PEX5L: variants seen among roughly 807,000 people sequenced by gnomAD.
PEX5L encodes peroxisomal biogenesis factor 5 like, also known as PEX5-related protein.
A neutral mutation model predicts 84.0 loss-of-function variants in PEX5L; 30 were observed. The ratio of observed to expected loss-of-function variants is 0.36; its 90% CI spans 0.27 to 0.48. The LOEUF (loss-of-function observed/expected upper bound fraction) is 0.48, where lower values mean the gene tolerates loss of function less well. PEX5L is among the 20% of genes least tolerant of loss of function. The pLI, the probability that PEX5L is intolerant of heterozygous loss-of-function variation, is 0.99. For missense variants in PEX5L, 533 were observed against 754.6 expected, an observed-to-expected ratio of 0.71 and a Z score of 3.44; for synonymous variants, 270 against 283.1, an observed-to-expected ratio of 0.95 and a Z score of 0.46.
At chr3:179,952,911 C>T (rs892560434) in intron 2 of PEX5L, among the ~76,000 whole-genome samples, 1 of 152,094 alleles carries the variant, frequency 6.6e-6, no homozygotes, top group African/African-American at 2.4e-5. Context: ...GATATATAGA[C>T]CAATGGAACA....
At chr3:179,943,107 G>T (rs139822850) in intron 2 of PEX5L, among the ~76,000 whole-genome samples, 19 of 152,170 alleles carry the variant, frequency 1.2e-4, no homozygotes, top group Non-Finnish European at 2.8e-4. Flanking sequence ...GAATATTATT[G>T]TTGTTATTAT....
rs1183502509 is a variant in PEX5L at position 179,816,912 on chromosome 3, C to T, written c.940-908G>A. ...TGTAATGCCACAACCGAGATACGAC[C>T]ACTAATATTTTTGAGTTTGCTTTCT... On this transcript the variant is annotated intron_variant, in intron 9 of 14. Coordinates refer to ENST00000467460, the MANE Select transcript of PEX5L (RefSeq NM_016559.3). Among the ~76,000 whole-genome samples the T allele has an allele frequency of 3.3e-5, 5 of 151,646 alleles. No individual in the cohort carries two copies. In the East Asian group the frequency reaches 9.6e-4, roughly 29 times the overall value.
At chr3:179,995,312 T>C (rs1362648228) in intron 1 of PEX5L, among the ~76,000 whole-genome samples, 3 of 151,340 alleles carry the variant, frequency 2.0e-5, no homozygotes, top group Non-Finnish European at 4.4e-5. Context: ...CAGATCTTGG[T>C]AACAGGAGTG....
chr3:179,811,659 G>A, intron 11 of PEX5L, 142 bp downstream of exon 11: 1 of 680,512 alleles, frequency 1.5e-6, no homozygotes, highest in African/African-American at 1.8e-5. Context: ...AGCTAAGTGT[G>A]AGTGATATGC....
intron 1 of PEX5L, among the ~76,000 whole-genome samples, chr3:180,021,382 C>T (rs1343997647): frequency 6.6e-6 from 1 of 152,118 alleles, no homozygotes; most frequent in Non-Finnish European, 1.5e-5. Flanking sequence ...CTTCAGTGTG[C>T]ATTAAGTTCA....
chr3:179,901,906 T>C (rs1761474517), intron 2 of PEX5L: 1 of 152,190 alleles, frequency 6.6e-6, no homozygotes, highest in South Asian at 2.1e-4. Flanking sequence ...GATCCACTTA[T>C]TTCCGTTTTT....
chr3:179,876,540 C>T (rs1752462805), intron 5 of PEX5L, among the ~76,000 whole-genome samples: 1 of 151,676 alleles, frequency 6.6e-6, no homozygotes, highest in Admixed American at 6.6e-5. Flanking sequence ...TCTCTAAGGT[C>T]TTTTTTCCCC....
At chr3:179,806,067 C>T (rs1387613415) in intron 14 of PEX5L, among the ~76,000 whole-genome samples, 1 of 149,512 alleles carries the variant, frequency 6.7e-6, no homozygotes, top group Admixed American at 6.7e-5. Context: ...ACAATTATAA[C>T]AATTACATTA....
intron 1 of PEX5L, among the ~76,000 whole-genome samples, chr3:180,031,555 T>A (rs1791466883): frequency 6.6e-6 from 1 of 152,248 alleles, no homozygotes; most frequent in Non-Finnish European, 1.5e-5. Context: ...TTTTTAGATG[T>A]CCCAAACATT....
At chr3:179,904,477 T>C (rs1283893169) in intron 2 of PEX5L, among the ~76,000 whole-genome samples, 1 of 152,176 alleles carries the variant, frequency 6.6e-6, no homozygotes, top group Non-Finnish European at 1.5e-5. Flanking sequence ...TGAACATTAC[T>C]GGAATTCCAT....
chr3:179,902,802 A>C, intron 2 of PEX5L: 1 of 382,196 alleles, frequency 2.6e-6, no homozygotes, highest in Non-Finnish European at 5.2e-6. Flanking sequence ...TATTTTTAAA[A>C]CTCTCAACAA....
chr3:179,824,071 A>T (rs1729469803), intron 8 of PEX5L, among the ~76,000 whole-genome samples: 1 of 152,156 alleles, frequency 6.6e-6, no homozygotes, highest in Admixed American at 6.5e-5. Flanking sequence ...TATTAATTAT[A>T]TTAAGATATG....
chr3:179,890,264 G>A (rs1047609079), intron 3 of PEX5L, among the ~76,000 whole-genome samples: 9 of 152,102 alleles, frequency 5.9e-5, no homozygotes, highest in African/African-American at 9.7e-5. Context: ...TGTGTTATAC[G>A]CATTCACAGA....
chr3:179,997,511 C>T (rs1788001605), intron 1 of PEX5L, among the ~76,000 whole-genome samples: 1 of 152,164 alleles, frequency 6.6e-6, no homozygotes, highest in Non-Finnish European at 1.5e-5. Flanking sequence ...TTAGAGCTGC[C>T]TCTACCTAGA....
chr3:179,817,394 A>G (rs1405933954), intron 9 of PEX5L, among the ~76,000 whole-genome samples: 1 of 152,140 alleles, frequency 6.6e-6, no homozygotes, highest in Non-Finnish European at 1.5e-5. Flanking sequence ...ATATTTATTT[A>G]CTCAATCCCC....
intron 5 of PEX5L, among the ~76,000 whole-genome samples, chr3:179,876,187 G>A (rs1752324480): frequency 6.6e-6 from 1 of 152,078 alleles, no homozygotes; most frequent in Admixed American, 6.6e-5. Flanking sequence ...TTGGGGTTCA[G>A]TTTTTTAGTT....
rs1307891299 is a variant in PEX5L, at chr3:179,800,885, C to T, written c.*943G>A. ...AAGTTAATTTGAACTCAATAGAAAT[C>T]ACGATACCATCAAACTTTCTTCCTG... On this transcript the variant is annotated 3_prime_UTR_variant, in exon 15 of 15. Coordinates refer to ENST00000467460, the MANE Select transcript of PEX5L (RefSeq NM_016559.3). The T allele has an allele frequency of 6.6e-6, 1 of 152,222 alleles. No homozygotes were observed. The highest frequency in any genetic ancestry group is 1.5e-5 in the Non-Finnish European group (1 of 68,026). 9.4% of individuals were successfully genotyped at this position (152,222 alleles called of 1,614,324 possible).
Position 179,874,317 on chromosome 3 carries a change from GT to G in PEX5L, c.726+9del, listed in dbSNP as rs1402800032. On this transcript the variant is annotated intron_variant, in intron 7 of 14. Coordinates refer to ENST00000467460, the MANE Select transcript of PEX5L (RefSeq NM_016559.3). ...GAAAGATGTGTTCATTGAATAATCA[GT>G]TTTGTTACCTGAGTCGGAGCCACTA... 3 of 1,527,412 alleles carry G rather than the reference GT, an allele frequency of 2.0e-6. 1 individual carries two copies. The South Asian group carries it at 3.4e-5, about 17-fold the overall frequency. The allele number at this position is 1,527,412 out of a possible 1,614,324, so 94.6% of individuals were successfully genotyped here.
chr3:180,015,586 T>C (rs1789873908), intron 1 of PEX5L, among the ~76,000 whole-genome samples: 1 of 152,108 alleles, frequency 6.6e-6, no homozygotes, highest in East Asian at 1.9e-4. Flanking sequence ...TGTCTAATTA[T>C]AGTGAATTGT....
Sources: gnomAD v4.1 joint callset for allele counts (sites outside exome capture counted in the v4.1 genomes callset) on GRCh38, gnomAD v4.1.1 for gene constraint, MANE v1.5 for transcripts, NCBI Gene and HGNC (gene_info 2026-07-23, HGNC 2026-07-21) for gene names.